The following HYCC1 variants were observed in gnomAD, a reference collection of about 807,000 sequenced individuals.
HYCC1 encodes hyccin PI4KA lipid kinase complex subunit 1, also known as hyccin.
chr7:22,982,721 C>T, the HYCC1 span, among the ~76,000 whole-genome samples: 3 of 152,114 alleles, frequency 2.0e-5, no homozygotes, highest in Non-Finnish European at 4.4e-5. Flanking sequence ...CTTGCATTCC[C>T]CATCTTTTCA....
At chr7:22,923,820 T>C in the HYCC1 span, among the ~76,000 whole-genome samples, 1 of 151,354 alleles carries the variant, frequency 6.6e-6, no homozygotes, top group African/African-American at 2.4e-5. Context: ...CTAGATGAAA[T>C]GGACAAATTA....
At chr7:23,011,853 C>T in the HYCC1 span, among the ~76,000 whole-genome samples, 1 of 152,158 alleles carries the variant, frequency 6.6e-6, no homozygotes, top group Non-Finnish European at 1.5e-5. Flanking sequence ...TTGGCAAAAT[C>T]ATATCATCCT....
chr7:22,981,733 C>T, the HYCC1 span, among the ~76,000 whole-genome samples: 2 of 152,152 alleles, frequency 1.3e-5, no homozygotes, highest in African/African-American at 2.4e-5. Flanking sequence ...AATATTGTTA[C>T]AAGATCCAAG....
the HYCC1 span, among the ~76,000 whole-genome samples, chr7:22,984,994 C>G: frequency 6.6e-6 from 1 of 152,122 alleles, no homozygotes; most frequent in Non-Finnish European, 1.5e-5. Context: ...GTAGGGAAAT[C>G]TGAATAAAAA....
chr7:22,960,190 A>AT, the HYCC1 span: 1 of 1,500,110 alleles, frequency 6.7e-7, no homozygotes, highest in Non-Finnish European at 9.3e-7. Context: ...TTATAGCACC[A>AT]TAAGTACAGT....
chr7:22,902,116 A>C, the HYCC1 span, among the ~76,000 whole-genome samples: 21 of 152,276 alleles, frequency 1.4e-4, no homozygotes, highest in African/African-American at 4.3e-4. Context: ...AAATCGTATC[A>C]ATAAAAGTAA....
At chr7:22,978,592 C>T in the HYCC1 span, 1 of 695,050 alleles carries the variant, frequency 1.4e-6, no homozygotes, top group Non-Finnish European at 2.5e-6. Flanking sequence ...GAGTTTCTTC[C>T]TAAAATATCC....
chr7:22,920,038 GA>G, the HYCC1 span, among the ~76,000 whole-genome samples: 2 of 152,064 alleles, frequency 1.3e-5, no homozygotes, highest in African/African-American at 4.8e-5. Context: ...AGATAAAAAG[GA>G]AATATTGCCC....
chr7:22,976,902 G>A, the HYCC1 span: 132 of 755,728 alleles, frequency 1.7e-4, no homozygotes, highest in African/African-American at 1.9e-3. Flanking sequence ...TAGCTACCAC[G>A]AACATCATAT....
chr7:22,963,981 G>C, the HYCC1 span, among the ~76,000 whole-genome samples: 8 of 151,930 alleles, frequency 5.3e-5, no homozygotes, highest in African/African-American at 1.9e-4. Context: ...GCCAATATTA[G>C]AAACTAATAG....
the HYCC1 span, among the ~76,000 whole-genome samples, chr7:22,973,853 G>C: frequency 6.6e-6 from 1 of 152,164 alleles, no homozygotes. Context: ...GTTAGAGTTA[G>C]ATAGGCTAAA....
At chr7:22,933,377 A>G in the HYCC1 span, among the ~76,000 whole-genome samples, 4 of 152,032 alleles carry the variant, frequency 2.6e-5, no homozygotes, top group South Asian at 4.1e-4. Context: ...TAATTGTTAT[A>G]TTTTTGTGAT....
chr7:22,930,383 A>T, the HYCC1 span, among the ~76,000 whole-genome samples: 1 of 128,878 alleles, frequency 7.8e-6, no homozygotes, highest in African/African-American at 2.6e-5. Context: ...AGTAAAAAGA[A>T]AAAGAAAAAG....
At chr7:22,910,864 T>C in the HYCC1 span, among the ~76,000 whole-genome samples, 3 of 107,606 alleles carry the variant, frequency 2.8e-5, no homozygotes, top group African/African-American at 9.9e-5. Flanking sequence ...CTTTCTGAAA[T>C]ATGTTCACTC....
At chr7:22,959,562 C>G in the HYCC1 span, among the ~76,000 whole-genome samples, 3 of 151,812 alleles carry the variant, frequency 2.0e-5, no homozygotes, top group Non-Finnish European at 4.4e-5. Flanking sequence ...GTTGTTGACA[C>G]TACAATAACT....
chr7:22,961,405 G>A, the HYCC1 span: 1 of 784,834 alleles, frequency 1.3e-6, no homozygotes, highest in Non-Finnish European at 2.1e-6. Flanking sequence ...CTTTACTGAA[G>A]AAAATAAAAG....
chr7:22,940,216 C>G, the HYCC1 span: 1 of 121,910 alleles, frequency 8.2e-6, no homozygotes, highest in Non-Finnish European at 1.7e-5. Context: ...TTTCAAGTGT[C>G]TAATAGGTTA....
At chr7:22,936,983 T>C in the HYCC1 span, 1 of 152,172 alleles carries the variant, frequency 6.6e-6, no homozygotes, top group Non-Finnish European at 1.5e-5. Context: ...AAATTCAACT[T>C]GGTGGATATA....
the HYCC1 span, among the ~76,000 whole-genome samples, chr7:22,933,630 T>C: frequency 4.6e-5 from 7 of 152,206 alleles, no homozygotes; most frequent in Non-Finnish European, 1.0e-4. Flanking sequence ...AAAAATCCAG[T>C]CTGACAATCT....
Sources: gnomAD v4.1 joint callset for allele counts (sites outside exome capture counted in the v4.1 genomes callset) on GRCh38, gnomAD v4.1.1 for gene constraint, MANE v1.5 for transcripts, NCBI Gene and HGNC (gene_info 2026-07-23, HGNC 2026-07-21) for gene names.